HECA: variants seen among roughly 807,000 people sequenced by gnomAD.
HECA encodes the protein headcase protein homolog.
A neutral mutation model predicts 37.6 loss-of-function variants in HECA; 13 were observed. The ratio of observed to expected loss-of-function variants is 0.35; its 90% CI spans 0.23 to 0.55. The LOEUF is 0.55. Among genes scored for constraint, HECA ranks in the 20% least tolerant of loss-of-function variants. HECA has a pLI of 0.90. For missense variants in HECA, 527 were observed against 701.9 expected, an observed-to-expected ratio of 0.75 and a Z score of 2.82; for synonymous variants, 307 against 291.5, an observed-to-expected ratio of 1.05 and a Z score of -0.54.
At chr6:139,156,639 A>G (rs867125358) in intron 1 of HECA, among the ~76,000 whole-genome samples, 2 of 152,248 alleles carry the variant, frequency 1.3e-5, no homozygotes, top group Admixed American at 6.5e-5. Context: ...TAATTTATGA[A>G]ATAAACTCAG....
intron 2 of HECA, chr6:139,169,790 T>C (rs1774946287): frequency 6.6e-6 from 1 of 152,236 alleles, no homozygotes; most frequent in Non-Finnish European, 1.5e-5. Flanking sequence ...TCTAGAGGCT[T>C]AAGCTTGGAA....
At chr6:139,165,450 GTAT>G (rs950341700) in intron 1 of HECA, among the ~76,000 whole-genome samples, 3 of 151,916 alleles carry the variant, frequency 2.0e-5, no homozygotes, top group Non-Finnish European at 4.4e-5. Context: ...TTCCCTTTTG[GTAT>G]TGTACATCCT....
At chr6:139,137,303 T>C (rs961371472) in intron 1 of HECA, among the ~76,000 whole-genome samples, 4 of 151,982 alleles carry the variant, frequency 2.6e-5, no homozygotes, top group Non-Finnish European at 5.9e-5. Flanking sequence ...CTCAATTTCC[T>C]CATGTGTAAA....
In HECA at chr6:139,148,566, C is replaced by T. The variant is rs188177514; in HGVS notation, c.271+12899C>T. On this transcript the variant is annotated intron_variant, in intron 1 of 3. Transcript: ENST00000367658. ...ATCACTTGAGGTCAAGAGTTTGAGA[C>T]CAACTTGGCCAACATGGTGAAACCC... Among the ~76,000 whole-genome samples, 40 of 152,254 alleles carry T rather than the reference C, an allele frequency of 2.6e-4. 1 individual carries two copies. In the East Asian group the frequency reaches 7.5e-3, roughly 29 times the overall value.
chr6:139,135,297 T>C lies in HECA; in HGVS notation c.-100T>C, dbSNP rs1427208876. 1.0e-6 allele frequency: 1 copy of C among 1,003,624 alleles called. No individual in the cohort carries two copies. The highest frequency in any genetic ancestry group is 6.9e-5 in the East Asian group (1 of 14,586). 62.2% of individuals were successfully genotyped at this position (1,003,624 alleles called of 1,614,324 possible). Reference sequence around the variant, plus strand: ...GGGAACCGCCGGCTCGCGCCCTCCGTTCTTTCCCGGAGCCGGCTTCACGCA... The same window carrying C: ...GGGAACCGCCGGCTCGCGCCCTCCGCTCTTTCCCGGAGCCGGCTTCACGCA... On this transcript the variant is annotated 5_prime_UTR_variant, in exon 1 of 4. Coordinates refer to ENST00000367658, the MANE Select transcript of HECA (RefSeq NM_016217.3).
At position 139,158,329 on chromosome 6, in the gene HECA, C is replaced by T. The variant is rs994720925; in HGVS notation, c.272-7955C>T. On this transcript the variant is annotated intron_variant, in intron 1 of 3. Coordinates refer to ENST00000367658, the MANE Select transcript of HECA (RefSeq NM_016217.3). ...CGTCCTGGAAAACACAGTGAAACTCCGTCTCTACTAAAAAATACAAAAAAT... is the reference window on the plus strand; with the variant it reads ...CGTCCTGGAAAACACAGTGAAACTCTGTCTCTACTAAAAAATACAAAAAAT... Among the ~76,000 whole-genome samples, 8 of 151,966 alleles carry T rather than the reference C, an allele frequency of 5.3e-5. No individual in the cohort carries two copies. In the South Asian group the frequency reaches 8.4e-4, roughly 16 times the overall value.
chr6:139,156,706 C>T (rs1426769694), intron 1 of HECA, among the ~76,000 whole-genome samples: 1 of 152,214 alleles, frequency 6.6e-6, no homozygotes, highest in African/African-American at 2.4e-5. Flanking sequence ...AGAAATACAG[C>T]ACAATGACGG....
intron 1 of HECA, among the ~76,000 whole-genome samples, chr6:139,137,647 T>TTA (rs1774466011): frequency 2.0e-5 from 3 of 150,894 alleles, no homozygotes; most frequent in African/African-American, 7.3e-5. Flanking sequence ...TTTTTTTTTT[T>TTA]TGGCCTATGT....
chr6:139,144,766 C>A (rs1198808309), intron 1 of HECA, among the ~76,000 whole-genome samples: 3 of 152,210 alleles, frequency 2.0e-5, no homozygotes, highest in Non-Finnish European at 4.4e-5. Context: ...CATGGACCCT[C>A]AATTGTGGTT....
In HECA at chr6:139,178,689, C is replaced by T. The variant is rs1775088286; in HGVS notation, c.*1584C>T. 1 of 152,042 alleles carries T rather than the reference C, an allele frequency of 6.6e-6. No homozygotes were observed. Among genetic ancestry groups the T allele is most frequent in the South Asian group, 2.1e-4 (1 of 4,824 alleles). 9.4% of individuals were successfully genotyped at this position (152,042 alleles called of 1,614,324 possible). A position where few individuals can be genotyped will look rare whatever the true frequency, so the allele number is the denominator to read the frequency against. Reference sequence around the variant, plus strand: ...TCCTGGATTCAAGCGATTCTCCTGTCCCAGCCTCCCAGGTAGCTGGGACTA... The same window carrying T: ...TCCTGGATTCAAGCGATTCTCCTGTTCCAGCCTCCCAGGTAGCTGGGACTA... On this transcript the variant is annotated 3_prime_UTR_variant, in exon 4 of 4. Transcript: ENST00000367658.
chr6:139,163,123 C>T (rs1342219848), intron 1 of HECA, among the ~76,000 whole-genome samples: 1 of 152,182 alleles, frequency 6.6e-6, no homozygotes, highest in Non-Finnish European at 1.5e-5. Flanking sequence ...TTATTGCATC[C>T]AGTGAATTCT....
chr6:139,177,237 A>C lies in HECA; in HGVS notation c.*132A>C. 1 of 595,048 alleles carries C rather than the reference A, an allele frequency of 1.7e-6. No individual in the cohort carries two copies. Among genetic ancestry groups the C allele is most frequent in the Non-Finnish European group, 2.9e-6 (1 of 342,964 alleles). 36.9% of individuals were successfully genotyped at this position (595,048 alleles called of 1,614,324 possible). A position where few individuals can be genotyped will look rare whatever the true frequency, so the allele number is the denominator to read the frequency against. On this transcript the variant is annotated 3_prime_UTR_variant, in exon 4 of 4. Coordinates refer to ENST00000367658, the MANE Select transcript of HECA (RefSeq NM_016217.3). This position sits in a 1 kb window ranked among gnomAD's most constrained non-coding sequence, Gnocchi z 4.9. ...AGAGTTACTTTGTTGTATGTGTGCC[A>C]CTAAAATAGGGGCTGCCCTTGCCCT...
intron 1 of HECA, among the ~76,000 whole-genome samples, chr6:139,141,787 T>C (rs1343802573): frequency 6.8e-6 from 1 of 147,562 alleles, no homozygotes; most frequent in Admixed American, 6.9e-5. Flanking sequence ...AGAGTCTCAC[T>C]ATGTCACCAG....
At chr6:139,138,966 C>A (rs1378038336) in intron 1 of HECA, among the ~76,000 whole-genome samples, 1 of 152,176 alleles carries the variant, frequency 6.6e-6, no homozygotes, top group African/African-American at 2.4e-5. Context: ...TACGTAGTTT[C>A]ATTCTGGTTC....
At chr6:139,168,630 T>C (rs1774929088) in intron 2 of HECA, among the ~76,000 whole-genome samples, 1 of 152,068 alleles carries the variant, frequency 6.6e-6, no homozygotes, top group Non-Finnish European at 1.5e-5. Context: ...TAGCTGTCCT[T>C]CTAGGAATGC....
chr6:139,139,539 C>T lies in HECA; in HGVS notation c.271+3872C>T, dbSNP rs550718733. ...CTGGAGAGTGCTCTTGGCATCATTCCTAGTGGAGGAGGGAAGGAAGCAGGA... is the reference window on the plus strand; with the variant it reads ...CTGGAGAGTGCTCTTGGCATCATTCTTAGTGGAGGAGGGAAGGAAGCAGGA... On this transcript the variant is annotated intron_variant, in intron 1 of 3. Transcript: ENST00000367658. Among the ~76,000 whole-genome samples the T allele has an allele frequency of 7.0e-4, 107 of 152,264 alleles. 1 individual carries two copies. The highest frequency in any genetic ancestry group is 1.1e-3 in the Non-Finnish European group (73 of 68,028).
At chr6:139,153,581 C>A (rs1345085761) in intron 1 of HECA, among the ~76,000 whole-genome samples, 1 of 152,004 alleles carries the variant, frequency 6.6e-6, no homozygotes, top group African/African-American at 2.4e-5. Flanking sequence ...TGCCACCATG[C>A]CCATCTAATT....
intron 2 of HECA, among the ~76,000 whole-genome samples, chr6:139,173,668 ATTAT>A (rs931476442): frequency 5.9e-5 from 9 of 152,162 alleles, no homozygotes; most frequent in African/African-American, 2.2e-4. Context: ...CTCTTTCCTA[ATTAT>A]TTAAACTGTG....
At position 139,176,885 on chromosome 6, in the gene HECA, T is replaced by C; in HGVS notation, c.1468-56T>C. On this transcript the variant is annotated intron_variant, in intron 3 of 3. Transcript: ENST00000367658. The surrounding 1 kb of genome is among the most constrained non-coding windows in gnomAD (Gnocchi z 4.5). ...CCCAGCATTTTGGTTTGGATGACTT[T>C]GACAAGTGTTGGGAAGTGGAGGGGT... The C allele has an allele frequency of 4.9e-6, 4 of 823,740 alleles. No homozygotes were observed. The South Asian group carries it at 5.5e-5, about 11-fold the overall frequency. The allele number at this position is 823,740 out of a possible 1,614,324, so 51.0% of individuals were successfully genotyped here.
Sources: allele counts gnomAD v4.1 joint callset (sites outside exome capture counted in the v4.1 genomes callset), GRCh38; gene constraint gnomAD v4.1.1; non-coding constraint Gnocchi (gnomAD v3.1); transcripts MANE v1.5; gene names NCBI Gene and HGNC (gene_info 2026-07-23, HGNC 2026-07-21).